CLIP1: variants seen among roughly 807,000 people sequenced by gnomAD.
CLIP1 encodes the protein CAP-Gly domain containing linker protein 1.
In CLIP1, 66 loss-of-function variants were observed where a neutral mutation model predicts 161.6. The ratio of observed to expected loss-of-function variants is 0.41; its 90% CI spans 0.33 to 0.50. CLIP1 has a LOEUF of 0.50. Ranked by LOEUF, CLIP1 falls within the 20% of genes least tolerant of loss-of-function variation. The probability of loss-of-function intolerance (pLI) is 0.27; values close to 1 mark genes in which losing one functional copy is unlikely to be tolerated. For missense variants in CLIP1, 1,376 were observed against 1,702.0 expected, an observed-to-expected ratio of 0.81 and a Z score of 3.37; for synonymous variants, 598 against 626.2, an observed-to-expected ratio of 0.96 and a Z score of 0.67.
Position 122,334,287 on chromosome 12 carries a change from C to T in CLIP1, c.2627-177G>A, listed in dbSNP as rs371707227. Among the ~76,000 whole-genome samples the T allele has an allele frequency of 5.9e-4, 90 of 152,314 alleles. 3 individuals are homozygous for T. The South Asian group carries it at 0.017, about 29-fold the overall frequency. ...TCCAGCCTGAAAGAAGCAGGTCTGC[C>T]GCTGTCTCTGGCCTCCCTGAATCAG... On this transcript the variant is annotated intron_variant, in intron 13 of 25. Transcript: ENST00000620786.
Position 122,323,875 on chromosome 12 carries a change from T to G in CLIP1, c.3249+4072A>C, listed in dbSNP as rs1056594338. ...CCAAGATGAAGTTTTCGGTAATAAG[T>G]TTCTTGATCTGGTCCTCCAGGTGAT... On this transcript the variant is annotated intron_variant, in intron 17 of 25. Coordinates refer to ENST00000620786, the MANE Select transcript of CLIP1 (RefSeq NM_001247997.2). The surrounding 1 kb of genome is among the most constrained non-coding windows in gnomAD (Gnocchi z 4.1). 1 of 152,624 alleles carries G rather than the reference T, an allele frequency of 6.6e-6. No individual in the cohort carries two copies. The highest frequency in any genetic ancestry group is 1.5e-5 in the Non-Finnish European group (1 of 68,054). 9.5% of individuals were successfully genotyped at this position (152,624 alleles called of 1,614,324 possible). A position where few individuals can be genotyped will look rare whatever the true frequency, so the allele number is the denominator to read the frequency against.
intron 17 of CLIP1, among the ~76,000 whole-genome samples, chr12:122,319,677 G>C (rs767160705): frequency 4.1e-4 from 63 of 152,184 alleles, no homozygotes; most frequent in Non-Finnish European, 2.2e-4. Context: ...TTGAGAGACC[G>C]TTCGGAGGTA....
chr12:122,294,340 AAAAC>A (rs1950384828), intron 20 of CLIP1, among the ~76,000 whole-genome samples: 1 of 143,368 alleles, frequency 7.0e-6, no homozygotes, highest in Non-Finnish European at 1.6e-5. Flanking sequence ...AAAAAAAAAA[AAAAC>A]AAAAAAAAAA....
At chr12:122,336,957 T>G (rs1344671805) in intron 11 of CLIP1, among the ~76,000 whole-genome samples, 1 of 126,542 alleles carries the variant, frequency 7.9e-6, no homozygotes, top group African/African-American at 2.5e-5. Flanking sequence ...AATGGCTATT[T>G]TTGTGTTTTT....
At chr12:122,415,831 A>G (rs542878256) in intron 1 of CLIP1, among the ~76,000 whole-genome samples, 11 of 152,180 alleles carry the variant, frequency 7.2e-5, no homozygotes, top group African/African-American at 2.6e-4. Context: ...AAAAAAACCC[A>G]TAGATTTTGA....
At position 122,274,106 on chromosome 12, in the gene CLIP1, C is replaced by T; in HGVS notation, c.4023G>A (p.Lys1341=). The T allele has an allele frequency of 6.2e-7, 1 of 1,611,758 alleles. No homozygotes were observed. Among genetic ancestry groups the T allele is most frequent in the South Asian group, 1.1e-5 (1 of 91,040 alleles). ...CTTCTGACATCATCTCCACCTTCAT[C>T]TTGAGGTCTTGATTCTTCCTTTGAA... The part of the protein sequence containing the change: ...VDLQRKNQDL[K]MKVEMMSEAA... The change falls in exon 25 of 26, where the codon AAG becomes AAA. Residue 1341 remains lysine, a synonymous_variant. Coordinates refer to ENST00000620786, the MANE Select transcript of CLIP1 (RefSeq NM_001247997.2).
chr12:122,286,828 C>T (rs1463042281), intron 21 of CLIP1, among the ~76,000 whole-genome samples: 3 of 152,006 alleles, frequency 2.0e-5, no homozygotes, highest in Non-Finnish European at 4.4e-5. Flanking sequence ...GAAACCCCAT[C>T]TCTACTAAAA....
intron 10 of CLIP1, among the ~76,000 whole-genome samples, chr12:122,346,840 G>A (rs945764421): frequency 6.6e-6 from 1 of 152,182 alleles, no homozygotes; most frequent in Non-Finnish European, 1.5e-5. Context: ...ACAGGAAGGA[G>A]GGAGATGCAG....
chr12:122,316,680 T>C, intron 19 of CLIP1, 69 bp downstream of exon 19: 1 of 950,466 alleles, frequency 1.1e-6, no homozygotes, highest in East Asian at 2.6e-5. Context: ...TTTTAAGTAA[T>C]TAGCATTGTG....
At chr12:122,318,404 G>C (rs1357333715) in intron 18 of CLIP1, among the ~76,000 whole-genome samples, 1 of 152,090 alleles carries the variant, frequency 6.6e-6, no homozygotes, top group African/African-American at 2.4e-5. Context: ...GTGGTAGTGG[G>C]CACCTGTAAT....
In CLIP1 at chr12:122,340,753, C is replaced by T; in HGVS notation, c.2451G>A (p.Lys817=). Residue 817 remains lysine (K), a splice_region_variant and synonymous_variant, in exon 11 of 26, where the codon AAG becomes AAA. Transcript: ENST00000620786. ...AAGAATGGAGGATGTCAATACAAACCTTGCTACTTTCAGCATTCTTTTCAA... is the reference window on the plus strand; with the variant it reads ...AAGAATGGAGGATGTCAATACAAACTTTGCTACTTTCAGCATTCTTTTCAA... ...LEIEKNAESS[K]ASSITRELQG... is the part of the protein sequence containing the mutation. 2.6e-6 allele frequency: 4 copies of T among 1,566,522 alleles called. No homozygotes were observed. Among genetic ancestry groups the T allele is most frequent in the Non-Finnish European group, 3.5e-6 (4 of 1,157,452 alleles).
intron 21 of CLIP1, among the ~76,000 whole-genome samples, chr12:122,286,520 TAAAAAAAAA>T (rs57260606): frequency 4.2e-4 from 12 of 28,252 alleles, no homozygotes; most frequent in African/African-American, 7.7e-4. Flanking sequence ...GACTCTGTCT[TAAAAAAAAA>T]AAAAAAAAAA....
chr12:122,355,344 A>C lies in CLIP1; in HGVS notation c.1006-32T>G, dbSNP rs749272574. The C allele has an allele frequency of 2.5e-6, 4 of 1,594,268 alleles. No individual in the cohort carries two copies. The highest frequency in any genetic ancestry group is 1.7e-5 in the Admixed American group (1 of 59,504). On this transcript the variant is annotated intron_variant, in intron 5 of 25. Transcript: ENST00000620786. The surrounding 1 kb of genome is among the most constrained non-coding windows in gnomAD (Gnocchi z 4.1). ...AGGAAAGTTAGAGAAATGAAGGGCG[A>C]TGATGCTGTCAGAAAAGCGAGGGAG...
rs1450585470 is a variant in CLIP1, at chr12:122,347,451, A to C, written c.1430T>G (p.Ile477Ser). The C allele has an allele frequency of 1.2e-6, 2 of 1,613,812 alleles. No individual in the cohort carries two copies. Among genetic ancestry groups the C allele is most frequent in the Non-Finnish European group, 1.7e-6 (2 of 1,179,702 alleles). Residue 477 changes from isoleucine to serine, a missense_variant, in exon 10 of 26, where the codon ATT becomes AGT. Physicochemically the swap from Ile to Ser is moderately radical, Grantham distance 142. Coordinates refer to ENST00000620786, the MANE Select transcript of CLIP1 (RefSeq NM_001247997.2). ...NTQTKLEHAR[I>S]KELEQSLLFE... Reference sequence around the variant, plus strand: ...GAGCAGGCTCTGTTCAAGCTCCTTAATGCGGGCATGCTCCAGTTTGGTCTG... The same window carrying C: ...GAGCAGGCTCTGTTCAAGCTCCTTACTGCGGGCATGCTCCAGTTTGGTCTG...
chr12:122,400,044 T>A (rs1057264987), intron 1 of CLIP1: 28 of 152,344 alleles, frequency 1.8e-4, no homozygotes, highest in African/African-American at 6.7e-4. Context: ...GTTACGTAAG[T>A]ATGCTGTGTC....
rs1399959696 is a variant in CLIP1, at chr12:122,327,747, C to T, written c.3249+200G>A. Among the ~76,000 whole-genome samples the T allele has an allele frequency of 2.6e-5, 4 of 151,978 alleles. No homozygotes were observed. In the East Asian group the frequency reaches 5.8e-4, roughly 22 times the overall value. On this transcript the variant is annotated intron_variant, in intron 17 of 25. Transcript: ENST00000620786. ...GGAAAGACTGGCAGGAAACACCGTC[C>T]GAGAAGGAACAGCAGCTGGCACAAA... is the stretch of plus-strand genomic sequence containing the variant.
At chr12:122,414,133 GTTTT>G (rs1956642677) in intron 1 of CLIP1, among the ~76,000 whole-genome samples, 1 of 151,834 alleles carries the variant, frequency 6.6e-6, no homozygotes, top group Admixed American at 6.6e-5. Context: ...TTGGGGGTTT[GTTTT>G]TTGTTTGTTT....
At chr12:122,380,180 C>CT (rs1320117731) in intron 2 of CLIP1, among the ~76,000 whole-genome samples, 188 bp downstream of exon 2, 2 of 141,654 alleles carry the variant, frequency 1.4e-5, no homozygotes, top group African/African-American at 5.2e-5. Flanking sequence ...GAGGCGGAGC[C>CT]TGCAGTGAGC....
chr12:122,377,256 C>T (rs1954784556), intron 3 of CLIP1, 133 bp downstream of exon 3: 2 of 756,010 alleles, frequency 2.6e-6, no homozygotes, highest in Non-Finnish European at 4.3e-6. Context: ...GATCCACCCG[C>T]CTCAGCCTCC....
Sources: gnomAD v4.1 joint callset for allele counts (sites outside exome capture counted in the v4.1 genomes callset) on GRCh38, gnomAD v4.1.1 for gene constraint, Gnocchi (gnomAD v3.1) non-coding constraint, MANE v1.5 for transcripts, NCBI Gene and HGNC (gene_info 2026-07-23, HGNC 2026-07-21) for gene names.